ARID2: variants seen among roughly 807,000 people sequenced by gnomAD.
ARID2 encodes AT-rich interactive domain-containing protein 2.
Under a neutral mutation model 184.6 loss-of-function variants are expected in ARID2, and 32 were observed. The ratio of observed to expected loss-of-function variants is 0.17; its 90% CI spans 0.13 to 0.23. The LOEUF (loss-of-function observed/expected upper bound fraction) is 0.23, where lower values mean the gene tolerates loss of function less well. Ranked by LOEUF, ARID2 falls within the 10% of genes least tolerant of loss-of-function variation. The probability of loss-of-function intolerance (pLI) is 1.00; values close to 1 mark genes in which losing one functional copy is unlikely to be tolerated. For synonymous variants in ARID2, 836 were observed against 772.6 expected (o/e 1.08, Z -1.36); for missense variants, 1,696 against 2,197.6 (o/e 0.77, Z 4.56).
At chr12:45,880,053 G>T (rs985586230) in intron 16 of ARID2, among the ~76,000 whole-genome samples, 1 of 152,124 alleles carries the variant, frequency 6.6e-6, no homozygotes, top group African/African-American at 2.4e-5. Context: ...TTAAACATAG[G>T]AGTTTTGCTT....
intron 3 of ARID2, among the ~76,000 whole-genome samples, chr12:45,750,610 T>C (rs1228844196): frequency 6.6e-6 from 1 of 152,192 alleles, no homozygotes; most frequent in East Asian, 1.9e-4. Flanking sequence ...AACTGATATG[T>C]GAGGATCCAG....
rs970895785 is a variant in ARID2 at position 45,827,637 on chromosome 12, G to A, written c.705+6150G>A. ...ATAAGACATGTGAGTGTATGGTAAC[G>A]TTAGATAATATGACCAGAAAGGCTT... On this transcript the variant is annotated intron_variant, in intron 6 of 20. Transcript: ENST00000334344. Among the ~76,000 whole-genome samples, 6 of 152,158 alleles carry A rather than the reference G, an allele frequency of 3.9e-5. No individual in the cohort carries two copies. In the East Asian group the frequency reaches 1.2e-3, roughly 29 times the overall value.
At chr12:45,878,963 CT>C (rs1394093469) in intron 16 of ARID2, among the ~76,000 whole-genome samples, 7 of 151,816 alleles carry the variant, frequency 4.6e-5, no homozygotes, top group African/African-American at 7.3e-5. Context: ...CCCTGATGTC[CT>C]TTTTTTTCTT....
chr12:45,793,231 C>G (rs866968422), intron 3 of ARID2, among the ~76,000 whole-genome samples: 3 of 151,926 alleles, frequency 2.0e-5, no homozygotes, highest in Non-Finnish European at 4.4e-5. Flanking sequence ...ACCCCGGAAG[C>G]AGAGGTTGCA....
At chr12:45,787,081 T>G (rs1942208438) in intron 3 of ARID2, among the ~76,000 whole-genome samples, 1 of 152,214 alleles carries the variant, frequency 6.6e-6, no homozygotes, top group Non-Finnish European at 1.5e-5. Flanking sequence ...CTATAATTAA[T>G]TATGTATTGT....
intron 3 of ARID2, among the ~76,000 whole-genome samples, chr12:45,750,811 A>G (rs1941450028): frequency 6.6e-6 from 1 of 152,172 alleles, no homozygotes; most frequent in South Asian, 2.1e-4. Flanking sequence ...CTACCCTATA[A>G]GAATACCATC....
chr12:45,839,421 C>T lies in ARID2; in HGVS notation c.1423C>T (p.His475Tyr), dbSNP rs139689510. The change falls in exon 11 of 21, where the codon CAT becomes TAT. Residue 475 changes from histidine to tyrosine, a missense_variant. Coordinates refer to ENST00000334344, the MANE Select transcript of ARID2 (RefSeq NM_152641.4). ...VKLIEHPSSS[H>Y]QMLSEIRPQA... ...ACTCATTGAACACCCAAGTTCCAGT[C>T]ATCAAATGTTATCTGAAATTAGGCC... 28 of 1,613,986 alleles carry T rather than the reference C, an allele frequency of 1.7e-5. No individual in the cohort carries two copies. The African/African-American group carries it at 3.7e-4, about 22-fold the overall frequency.
intron 16 of ARID2, among the ~76,000 whole-genome samples, chr12:45,872,057 C>G (rs1191473165): frequency 6.6e-6 from 1 of 151,844 alleles, no homozygotes; most frequent in Non-Finnish European, 1.5e-5. Flanking sequence ...TTTTTTTCCC[C>G]CAAAGAACCA....
At chr12:45,890,877 T>C (rs1006572650) in intron 16 of ARID2, among the ~76,000 whole-genome samples, 1 of 152,010 alleles carries the variant, frequency 6.6e-6, no homozygotes, top group South Asian at 2.1e-4. Flanking sequence ...CTTAAAGATA[T>C]TGATTATGGC....
chr12:45,821,494 C>G lies in ARID2; in HGVS notation c.705+7C>G, dbSNP rs746088461. On this transcript the variant is annotated splice_region_variant and intron_variant, in intron 6 of 20. Transcript: ENST00000334344. ...TGATAGAGACTTCGTTAAGGTAAAT[C>G]ATTTTAATTAAAATGTTGATTCATT... The G allele has an allele frequency of 1.4e-6, 2 of 1,473,092 alleles. No individual in the cohort carries two copies. The allele number at this position is 1,473,092 out of a possible 1,614,324, so 91.3% of individuals were successfully genotyped here. A position where few individuals can be genotyped will look rare whatever the true frequency, so the allele number is the denominator to read the frequency against.
chr12:45,747,058 C>A (rs141173412), intron 3 of ARID2, among the ~76,000 whole-genome samples: 10 of 152,298 alleles, frequency 6.6e-5, no homozygotes, highest in Admixed American at 1.3e-4. Context: ...CGTGAGCCAC[C>A]GTGCCCGGCT....
intron 16 of ARID2, among the ~76,000 whole-genome samples, chr12:45,878,316 T>G (rs1944044444): frequency 2.6e-5 from 4 of 152,182 alleles, no homozygotes; most frequent in Non-Finnish European, 5.9e-5. Context: ...ATATTTTTTG[T>G]GTTCTTTCTC....
rs557504208 is a variant in ARID2, at chr12:45,862,620, G to T, written c.4922+1671G>T. Among the ~76,000 whole-genome samples, 7 of 152,254 alleles carry T rather than the reference G, an allele frequency of 4.6e-5. No individual in the cohort carries two copies. The East Asian group carries it at 1.2e-3, about 25-fold the overall frequency. ...CTGCCCAGGAAGGCTGAGGCAGGAG[G>T]ATCGCTTGAACCTAGGAATTCGAGT... is the stretch of plus-strand genomic sequence containing the variant. On this transcript the variant is annotated intron_variant, in intron 16 of 20. Transcript: ENST00000334344.
chr12:45,805,600 G>A (rs1020869979), intron 3 of ARID2, among the ~76,000 whole-genome samples: 23 of 151,846 alleles, frequency 1.5e-4, no homozygotes, highest in East Asian at 7.7e-4. Flanking sequence ...TAACCATTCC[G>A]ACATTTTAAA....
chr12:45,881,329 C>G (rs757614223), intron 16 of ARID2: 38 of 167,646 alleles, frequency 2.3e-4, no homozygotes, highest in Non-Finnish European at 4.1e-4. Context: ...CTGTGTGCCC[C>G]TTGTCCATGT....
chr12:45,765,592 C>T (rs1453522802), intron 3 of ARID2, among the ~76,000 whole-genome samples: 3 of 150,758 alleles, frequency 2.0e-5, no homozygotes, highest in Admixed American at 6.6e-5. Context: ...GTATGTGATT[C>T]GCAGATATTT....
intron 3 of ARID2, among the ~76,000 whole-genome samples, chr12:45,805,437 G>T (rs984454810): frequency 1.3e-5 from 2 of 151,940 alleles, no homozygotes; most frequent in Admixed American, 6.6e-5. Flanking sequence ...CAGATGAGGA[G>T]TATTGTTTTC....
At chr12:45,810,974 C>T (rs1276203869) in intron 3 of ARID2, among the ~76,000 whole-genome samples, 1 of 151,602 alleles carries the variant, frequency 6.6e-6, no homozygotes, top group Non-Finnish European at 1.5e-5. Context: ...CTTTGGGAGG[C>T]CGAGGTGGGT....
chr12:45,898,027 G>T (rs1944392473), intron 20 of ARID2, among the ~76,000 whole-genome samples: 1 of 151,788 alleles, frequency 6.6e-6, no homozygotes, highest in Non-Finnish European at 1.5e-5. Context: ...TGAACTTCTG[G>T]GCTCAAGCAA....
Sources: gnomAD v4.1 joint callset for allele counts (sites outside exome capture counted in the v4.1 genomes callset) on GRCh38, gnomAD v4.1.1 for gene constraint, MANE v1.5 for transcripts, NCBI Gene and HGNC (gene_info 2026-07-23, HGNC 2026-07-21) for gene names.